The following IQGAP3 variants were observed in gnomAD, a reference collection of about 807,000 sequenced individuals.
IQGAP3 encodes the protein IQ motif containing GTPase activating protein 3.
IQGAP3 carries 165 observed loss-of-function variants against 208.2 expected under a neutral mutation model. The ratio of observed to expected loss-of-function variants is 0.79; its 90% CI spans 0.70 to 0.90. The LOEUF is 0.90. Ranked by LOEUF, IQGAP3 falls within the 40% of genes least tolerant of loss-of-function variation. The pLI is 0.00. For missense variants in IQGAP3, 1,811 were observed against 2,043.1 expected (o/e 0.89, Z 2.19); for synonymous variants, 703 against 803.6 (o/e 0.87, Z 2.12).
chr1:156,560,531 A>G (rs1676101203), intron 11 of IQGAP3, among the ~76,000 whole-genome samples: 1 of 152,186 alleles, frequency 6.6e-6, no homozygotes, highest in Non-Finnish European at 1.5e-5. Context: ...AAAAACAAAC[A>G]AAAAAGAATT....
chr1:156,553,580 C>CTTTTT (rs11316423), intron 13 of IQGAP3, among the ~76,000 whole-genome samples: 2 of 88,044 alleles, frequency 2.3e-5, no homozygotes, highest in African/African-American at 7.3e-5. Flanking sequence ...TTCTTTCTTT[C>CTTTTT]TTTTTTTTTT....
chr1:156,545,052 T>C (rs546320297), intron 19 of IQGAP3, among the ~76,000 whole-genome samples: 1 of 152,170 alleles, frequency 6.6e-6, no homozygotes, highest in East Asian at 1.9e-4. Context: ...ACATTCTCTT[T>C]AAAACACAAT....
chr1:156,531,496 A>G (rs1344672345), intron 32 of IQGAP3, among the ~76,000 whole-genome samples: 1 of 151,726 alleles, frequency 6.6e-6, no homozygotes, highest in Non-Finnish European at 1.5e-5. Context: ...TTAGCTCTCA[A>G]TGCATCTGAC....
In IQGAP3 at chr1:156,528,629, C is replaced by G. The variant is rs1674228192; in HGVS notation, c.4572-19G>C. ...AGAACTCCTGATTAAAAGAAGGCCC[C>G]AGAGAATTCATCCAATAAACACTTT... On this transcript the variant is annotated intron_variant, in intron 35 of 37. Coordinates refer to ENST00000361170, the MANE Select transcript of IQGAP3 (RefSeq NM_178229.5). The G allele has an allele frequency of 6.3e-7, 1 of 1,575,496 alleles. No homozygotes were observed. The highest frequency in any genetic ancestry group is 8.7e-7 in the Non-Finnish European group (1 of 1,148,490).
intron 1 of IQGAP3, among the ~76,000 whole-genome samples, chr1:156,570,667 G>T (rs961940679): frequency 6.6e-6 from 1 of 152,158 alleles, no homozygotes; most frequent in East Asian, 1.9e-4. Context: ...GCACCACCAT[G>T]TCTGGCTAAT....
intron 35 of IQGAP3, 126 bp from the exon 36 acceptor site, chr1:156,528,736 G>C (rs1402287783): frequency 1.9e-6 from 2 of 1,026,208 alleles, no homozygotes; most frequent in East Asian, 5.1e-5. Context: ...AGACAGAGGA[G>C]GGGGGCTGCA....
At chr1:156,543,202 G>C (rs1034227618) in intron 22 of IQGAP3, among the ~76,000 whole-genome samples, 1 of 152,128 alleles carries the variant, frequency 6.6e-6, no homozygotes, top group African/African-American at 2.4e-5. Flanking sequence ...GGATAGGGAA[G>C]GAGAGAAAGA....
chr1:156,554,154 C>G, intron 13 of IQGAP3, 81 bp downstream of exon 13: 1 of 1,477,482 alleles, frequency 6.8e-7, no homozygotes, highest in South Asian at 1.4e-5. Flanking sequence ...GTACACAAGG[C>G]AAGTCTCCAA....
chr1:156,563,546 T>G lies in IQGAP3; in HGVS notation c.619+7A>C. 3.7e-6 allele frequency: 6 copies of G among 1,609,058 alleles called. No individual in the cohort carries two copies. Among genetic ancestry groups the G allele is most frequent in the Non-Finnish European group, 5.1e-6 (6 of 1,176,362 alleles). ...CTACTCCTGGCAGGGCAGAGCCTAG[T>G]CCTTACCTGCAGCCTCATCCACCGA... is the stretch of plus-strand genomic sequence containing the variant. On this transcript the variant is annotated splice_region_variant and intron_variant, in intron 7 of 37. Transcript: ENST00000361170.
chr1:156,539,116 C>G, intron 25 of IQGAP3, 83 bp from the exon 26 acceptor site: 1 of 1,240,804 alleles, frequency 8.1e-7, no homozygotes, highest in African/African-American at 1.5e-5. Flanking sequence ...GATTTTGGCT[C>G]TCAAAGCCTG....
In IQGAP3 at chr1:156,563,216, T is replaced by G; in HGVS notation, c.716A>C (p.Asn239Thr). The G allele has an allele frequency of 6.2e-7, 1 of 1,613,262 alleles. No individual in the cohort carries two copies. The highest frequency in any genetic ancestry group is 8.5e-7 in the Non-Finnish European group (1 of 1,179,392). The change falls in exon 8 of 38, where the codon AAT (asparagine) becomes ACT (threonine). Residue 239 changes from asparagine (N) to threonine (T), a missense_variant. Coordinates refer to ENST00000361170, the MANE Select transcript of IQGAP3 (RefSeq NM_178229.5). ...ALQNPSALLE[N>T]LREPLAAVYQ... ...GACGGCTGCCAGAGGCTCTCGGAGA[T>G]TCTCCAGAAGAGCACTGGGATTCTG...
chr1:156,550,876 G>A (rs1422213238), intron 15 of IQGAP3, among the ~76,000 whole-genome samples: 1 of 152,148 alleles, frequency 6.6e-6, no homozygotes, highest in Non-Finnish European at 1.5e-5. Flanking sequence ...GGTCAAGTAA[G>A]CCTATGCCTG....
intron 19 of IQGAP3, among the ~76,000 whole-genome samples, chr1:156,547,390 C>CACACACACACAT (rs1675303503): frequency 2.0e-5 from 1 of 51,178 alleles, no homozygotes; most frequent in African/African-American, 1.4e-4. Flanking sequence ...GACACACAGA[C>CACACACACACAT]ACACACACAC....
intron 10 of IQGAP3, 50 bp downstream of exon 10, chr1:156,561,788 C>A: frequency 6.3e-7 from 1 of 1,578,744 alleles, no homozygotes; most frequent in South Asian, 1.1e-5. Flanking sequence ...AGGCCCTCTC[C>A]TATCCTATAG....
At position 156,563,739 on chromosome 1, in the gene IQGAP3, G is replaced by A. The variant is rs1455723990; in HGVS notation, c.505+18C>T. 1.9e-6 allele frequency: 3 copies of A among 1,612,770 alleles called. No individual in the cohort carries two copies. The highest frequency in any genetic ancestry group is 2.2e-5 in the East Asian group (1 of 44,890). ...ACCCTGCCCAGGCTGTGGTGGTCAG[G>A]GAAGGAGCTGGGCTTACCTGTGAAT... On this transcript the variant is annotated intron_variant, in intron 6 of 37. Transcript: ENST00000361170.
chr1:156,529,533 A>G (rs1272573599), intron 34 of IQGAP3, among the ~76,000 whole-genome samples: 1 of 152,200 alleles, frequency 6.6e-6, no homozygotes, highest in Non-Finnish European at 1.5e-5. Context: ...CTGTAATCCC[A>G]GCACTTTGTG....
intron 11 of IQGAP3, among the ~76,000 whole-genome samples, chr1:156,557,338 T>TGG (rs1175219750): frequency 1.7e-4 from 1 of 6,022 alleles, no homozygotes; most frequent in African/African-American, 2.4e-4. Flanking sequence ...GGGAGGGAGG[T>TGG]GGGGGGTCAG....
At chr1:156,534,435 G>T in intron 29 of IQGAP3, 66 bp downstream of exon 29, 1 of 1,209,806 alleles carries the variant, frequency 8.3e-7, no homozygotes, top group Non-Finnish European at 1.2e-6. Flanking sequence ...ATTCTGGAGG[G>T]GACAAGTGGG....
chr1:156,539,737 A>G (rs1674883777), intron 24 of IQGAP3, 101 bp downstream of exon 24: 1 of 1,388,230 alleles, frequency 7.2e-7, no homozygotes, highest in Admixed American at 1.8e-5. Context: ...ATTATGGGAA[A>G]GGACACCTTG....
Sources: gnomAD v4.1 joint callset for allele counts (sites outside exome capture counted in the v4.1 genomes callset) on GRCh38, gnomAD v4.1.1 for gene constraint, MANE v1.5 for transcripts, NCBI Gene and HGNC (gene_info 2026-07-23, HGNC 2026-07-21) for gene names.